Variants in POP1 observed in about 807,000 individuals in gnomAD.
POP1 encodes the protein POP1 ribonuclease P/MRP subunit, also known as ribonucleases P/MRP protein subunit POP1.
A neutral mutation model predicts 102.2 loss-of-function variants in POP1; 75 were observed. The ratio of observed to expected loss-of-function variants is 0.73; its 90% CI spans 0.61 to 0.89. The LOEUF (loss-of-function observed/expected upper bound fraction) is 0.89, where lower values mean the gene tolerates loss of function less well. POP1 is among the 40% of genes least tolerant of loss of function. The pLI, the probability that POP1 is intolerant of heterozygous loss-of-function variation, is 0.00. For synonymous variants in POP1, 436 were observed against 464.1 expected (o/e 0.94, Z 0.78); for missense variants, 1,116 against 1,267.4 (o/e 0.88, Z 1.81).
chr8:98,153,129 C>T (rs1196211565), intron 14 of POP1, among the ~76,000 whole-genome samples: 1 of 152,184 alleles, frequency 6.6e-6, no homozygotes, highest in Non-Finnish European at 1.5e-5. Flanking sequence ...ACCACAACTC[C>T]TGGCTAATTT....
At chr8:98,137,699 T>C (rs1816586673) in intron 9 of POP1, among the ~76,000 whole-genome samples, 1 of 152,230 alleles carries the variant, frequency 6.6e-6, no homozygotes. Flanking sequence ...TCCTTTGTGC[T>C]GTCCAGTACG....
intron 4 of POP1, among the ~76,000 whole-genome samples, chr8:98,129,677 C>G (rs890493273): frequency 6.6e-6 from 1 of 152,184 alleles, no homozygotes; most frequent in African/African-American, 2.4e-5. Flanking sequence ...CCATATTAAG[C>G]TTGTGTTACT....
intron 1 of POP1, among the ~76,000 whole-genome samples, chr8:98,118,978 A>G (rs1815934142): frequency 6.6e-6 from 1 of 152,182 alleles, no homozygotes; most frequent in African/African-American, 2.4e-5. Flanking sequence ...CATTTATAAG[A>G]TGAGAATAAT....
chr8:98,151,733 T>C (rs1809515371), intron 14 of POP1, among the ~76,000 whole-genome samples: 1 of 143,648 alleles, frequency 7.0e-6, no homozygotes, highest in African/African-American at 2.7e-5. Flanking sequence ...GCAGTCTGCC[T>C]GGCTTGCTTT....
At chr8:98,128,328 G>C (rs1347713559) in intron 3 of POP1, 37 bp from the exon 4 acceptor site, 2 of 1,599,128 alleles carry the variant, frequency 1.3e-6, no homozygotes, top group South Asian at 2.2e-5. Flanking sequence ...GTTAATTCAA[G>C]ATTGGTGTTT....
Position 98,158,373 on chromosome 8 carries a change from C to A in POP1, c.*102C>A. ...TTCTGCTTTAAAATATCATGTGAAA[C>A]TCCCTGGAAACAAGAATAAAAAATT... On this transcript the variant is annotated 3_prime_UTR_variant, in exon 16 of 16. Transcript: ENST00000401707. 1 of 1,303,038 alleles carries A rather than the reference C, an allele frequency of 7.7e-7. No individual in the cohort carries two copies. Among genetic ancestry groups the A allele is most frequent in the Non-Finnish European group, 1.1e-6 (1 of 914,716 alleles). 80.7% of individuals were successfully genotyped at this position (1,303,038 alleles called of 1,614,324 possible).
In POP1 at chr8:98,136,485, A is replaced by G; in HGVS notation, c.1015A>G (p.Ile339Val). The G allele has an allele frequency of 6.2e-7, 1 of 1,608,640 alleles. No homozygotes were observed. Among genetic ancestry groups the G allele is most frequent in the African/African-American group, 1.3e-5 (1 of 74,774 alleles). The change falls in exon 8 of 16, where the codon ATC (isoleucine) becomes GTC (valine). Residue 339 changes from isoleucine to valine, a missense_variant. By Grantham distance (29) the Ile-to-Val change is conservative. Coordinates refer to ENST00000401707, the MANE Select transcript of POP1 (RefSeq NM_001145860.2). The part of the protein sequence containing the change: ...IWLHPTLKQD[I>V]LEEIKAACQC... ...GAATGTTTAAATATATTTTTAGGAT[A>G]TCTTAGAGGAAATAAAAGCAGCGTG...
At chr8:98,137,007 A>G (rs993220852) in intron 9 of POP1, 53 bp downstream of exon 9, 5 of 1,480,766 alleles carry the variant, frequency 3.4e-6, no homozygotes, top group Non-Finnish European at 4.7e-6. Flanking sequence ...TTTCCTGTCA[A>G]ATTTGTGAAA....
In POP1 at chr8:98,155,909, T is replaced by TTGTGTG. The variant is rs58936294; in HGVS notation, c.2058-99_2058-94dup. The TTGTGTG allele has an allele frequency of 0.053, 27,177 of 515,224 alleles. 359 individuals carry two copies. Among genetic ancestry groups the TTGTGTG allele is most frequent in the East Asian group, 0.084 (1,896 of 22,504 alleles). The allele number at this position is 515,224 out of a possible 1,614,324, so 31.9% of individuals were successfully genotyped here. On this transcript the variant is annotated intron_variant, in intron 14 of 15. Coordinates refer to ENST00000401707, the MANE Select transcript of POP1 (RefSeq NM_001145860.2). ...TTATCATATGTTTCTTGGAAAGCTT[T>TTGTGTG]TGTGTGTGTGTGTGTGTGTGTGTGT...
intron 7 of POP1, among the ~76,000 whole-genome samples, chr8:98,135,653 A>G (rs1816514321): frequency 6.6e-6 from 1 of 152,024 alleles, no homozygotes; most frequent in African/African-American, 2.4e-5. Flanking sequence ...GGCATACACT[A>G]CTCAGAACAC....
intron 12 of POP1, among the ~76,000 whole-genome samples, chr8:98,147,513 G>C (rs1345328675): frequency 2.6e-5 from 4 of 152,134 alleles, no homozygotes; most frequent in Non-Finnish European, 5.9e-5. Flanking sequence ...CTGGAGATGT[G>C]GGACACCCTT....
rs551651509 is a variant in POP1 at position 98,154,411 on chromosome 8, G to A, written c.2058-1639G>A. On this transcript the variant is annotated intron_variant, in intron 14 of 15. Transcript: ENST00000401707. The stretch of plus-strand genomic sequence containing the variant: ...CGCAGGGAGGTGCTAGTGTAAATGG[G>A]TGGTTGGGGCATTGTTGTGGGAGGG... Among the ~76,000 whole-genome samples the A allele has an allele frequency of 1.5e-4, 23 of 152,314 alleles. No individual in the cohort carries two copies. In the South Asian group the frequency reaches 4.4e-3, roughly 29 times the overall value.
At chr8:98,142,764 A>G (rs1225319713) in intron 11 of POP1, among the ~76,000 whole-genome samples, 1 of 152,152 alleles carries the variant, frequency 6.6e-6, no homozygotes, top group African/African-American at 2.4e-5. Context: ...AAAACATGGA[A>G]GGAGGATAGC....
intron 2 of POP1, among the ~76,000 whole-genome samples, chr8:98,127,011 A>G (rs1224213656): frequency 1.3e-5 from 2 of 152,192 alleles, no homozygotes; most frequent in African/African-American, 4.8e-5. Flanking sequence ...TGAGGGCTGA[A>G]AAGTCCAAGA....
At chr8:98,143,393 A>G (rs568369534) in intron 11 of POP1, among the ~76,000 whole-genome samples, 42 of 152,318 alleles carry the variant, frequency 2.8e-4, no homozygotes, top group African/African-American at 9.9e-4. Flanking sequence ...TCACAGCAAA[A>G]TTGAGCATAA....
chr8:98,146,700 G>T lies in POP1; in HGVS notation c.1710+17G>T. ...TCGGATCAGGTAACTAATAGTGTAAGGGTTATTGGTAAAGTCATGAATGAC... is the reference window on the plus strand; with the variant it reads ...TCGGATCAGGTAACTAATAGTGTAATGGTTATTGGTAAAGTCATGAATGAC... On this transcript the variant is annotated intron_variant, in intron 12 of 15. Transcript: ENST00000401707. The T allele has an allele frequency of 1.3e-6, 2 of 1,533,584 alleles. No individual in the cohort carries two copies. Among genetic ancestry groups the T allele is most frequent in the South Asian group, 2.2e-5 (2 of 89,284 alleles). The allele number at this position is 1,533,584 out of a possible 1,614,324, so 95.0% of individuals were successfully genotyped here. A position where few individuals can be genotyped will look rare whatever the true frequency, so the allele number is the denominator to read the frequency against.
At chr8:98,154,336 G>A (rs961495806) in intron 14 of POP1, among the ~76,000 whole-genome samples, 2 of 152,208 alleles carry the variant, frequency 1.3e-5, no homozygotes, top group African/African-American at 4.8e-5. Flanking sequence ...GGGGAGGGAC[G>A]GTGGTGTGAG....
intron 4 of POP1, among the ~76,000 whole-genome samples, chr8:98,129,042 A>G (rs911533411): frequency 2.0e-5 from 3 of 152,166 alleles, no homozygotes; most frequent in Non-Finnish European, 4.4e-5. Context: ...GCAATTGGCT[A>G]TTATGGGTGC....
chr8:98,148,739 C>T, intron 12 of POP1, 76 bp from the exon 13 acceptor site: 1 of 1,274,364 alleles, frequency 7.8e-7, no homozygotes, highest in Non-Finnish European at 1.1e-6. Context: ...TTTTCTAAAG[C>T]TGCTTATAGG....
Sources: gnomAD v4.1 joint callset for allele counts (sites outside exome capture counted in the v4.1 genomes callset) on GRCh38, gnomAD v4.1.1 for gene constraint, MANE v1.5 for transcripts, NCBI Gene and HGNC (gene_info 2026-07-23, HGNC 2026-07-21) for gene names.